Variants in TMBIM6 observed in about 807,000 individuals in gnomAD.
TMBIM6 encodes transmembrane BAX inhibitor motif containing 6.
TMBIM6 carries 13 observed loss-of-function variants against 31.4 expected under a neutral mutation model. That is an observed-to-expected ratio of 0.41 (90% CI 0.27 to 0.66). TMBIM6 has a LOEUF of 0.66. Ranked by LOEUF, TMBIM6 falls within the 30% of genes least tolerant of loss-of-function variation. The pLI, the probability that TMBIM6 is intolerant of heterozygous loss-of-function variation, is 0.28. For missense variants in TMBIM6, 275 were observed against 289.5 expected (o/e 0.95, Z 0.36); for synonymous variants, 85 against 101.7 (o/e 0.84, Z 0.99).
chr12:49,752,446 C>T lies in TMBIM6; in HGVS notation c.-30-18C>T. ...ATTCTGTATGACTTAATGACTCTAACCTTTCTTTATTCTGCAGAGTGGAGA... is the reference window on the plus strand; with the variant it reads ...ATTCTGTATGACTTAATGACTCTAATCTTTCTTTATTCTGCAGAGTGGAGA... On this transcript the variant is annotated intron_variant, in intron 1 of 9. Coordinates refer to ENST00000267115, the MANE Select transcript of TMBIM6 (RefSeq NM_003217.3). 1 of 1,577,782 alleles carries T rather than the reference C, an allele frequency of 6.3e-7. No homozygotes were observed. Among genetic ancestry groups the T allele is most frequent in the Non-Finnish European group, 8.6e-7 (1 of 1,156,256 alleles).
intron 8 of TMBIM6, among the ~76,000 whole-genome samples, chr12:49,759,796 A>G (rs1222797101): frequency 1.5e-5 from 2 of 134,102 alleles, no homozygotes; most frequent in Non-Finnish European, 3.1e-5. Context: ...ACAGAGCGAG[A>G]CCCTGTCTCA....
intron 1 of TMBIM6, chr12:49,749,729 C>T (rs954995497): frequency 2.0e-5 from 3 of 152,190 alleles, no homozygotes; most frequent in South Asian, 2.1e-4. Flanking sequence ...CCACTGTGCC[C>T]AACCTGTAAG....
At chr12:49,755,004 T>A (rs1250121180) in intron 3 of TMBIM6, among the ~76,000 whole-genome samples, 1 of 152,218 alleles carries the variant, frequency 6.6e-6, no homozygotes, top group Non-Finnish European at 1.5e-5. Flanking sequence ...TTGCCCAGGC[T>A]GAAGTGCAAT....
chr12:49,748,669 A>G (rs1945439737), intron 1 of TMBIM6, among the ~76,000 whole-genome samples: 1 of 152,200 alleles, frequency 6.6e-6, no homozygotes, highest in South Asian at 2.1e-4. Context: ...ACACCTGAAC[A>G]TTTACTTTTC....
At position 49,764,880 on chromosome 12, in the gene TMBIM6, T is replaced by C. The variant is rs997542021; in HGVS notation, c.*1984T>C. 1.1e-4 allele frequency: 16 copies of C among 152,314 alleles called. No individual in the cohort carries two copies. Among genetic ancestry groups the C allele is most frequent in the African/African-American group, 2.9e-4 (12 of 41,568 alleles). 9.4% of individuals were successfully genotyped at this position (152,314 alleles called of 1,614,324 possible). A position where few individuals can be genotyped will look rare whatever the true frequency, so the allele number is the denominator to read the frequency against. On this transcript the variant is annotated 3_prime_UTR_variant, in exon 10 of 10. Transcript: ENST00000267115. The stretch of plus-strand genomic sequence containing the variant: ...CAAAGGTGTTTTTGATTCAGAAATA[T>C]ATGAAATCTGCATAGTCTTAATTTG...
At chr12:49,761,325 C>T (rs999753049) in intron 8 of TMBIM6, among the ~76,000 whole-genome samples, 3 of 151,774 alleles carry the variant, frequency 2.0e-5, no homozygotes, top group African/African-American at 7.3e-5. Flanking sequence ...GTGTTCCTCC[C>T]ATCTCAGCCT....
At position 49,742,185 on chromosome 12, in the gene TMBIM6, C is replaced by T. The variant is rs181478191; in HGVS notation, c.-31+574C>T. 3.6e-5 allele frequency: 58 copies of T among 1,613,360 alleles called. No homozygotes were observed. In the East Asian group the frequency reaches 1.2e-3, roughly 35 times the overall value. ...CGAGGCTCCTCAGTTACTTAGCCAACGGCAGAGGCGGGAAGTGAGAGGAGT... is the reference window on the plus strand; with the variant it reads ...CGAGGCTCCTCAGTTACTTAGCCAATGGCAGAGGCGGGAAGTGAGAGGAGT... On this transcript the variant is annotated intron_variant, in intron 1 of 9. Coordinates refer to ENST00000267115, the MANE Select transcript of TMBIM6 (RefSeq NM_003217.3).
chr12:49,760,238 A>C (rs1318763030), intron 8 of TMBIM6, among the ~76,000 whole-genome samples: 1 of 152,168 alleles, frequency 6.6e-6, no homozygotes, highest in Non-Finnish European at 1.5e-5. Flanking sequence ...GTATTTTTTA[A>C]ACAATGAGTA....
Position 49,764,290 on chromosome 12 carries a change from C to G in TMBIM6, c.*1394C>G, listed in dbSNP as rs941062570. 1 of 152,132 alleles carries G rather than the reference C, an allele frequency of 6.6e-6. No homozygotes were observed. Among genetic ancestry groups the G allele is most frequent in the East Asian group, 1.9e-4 (1 of 5,192 alleles). The allele number at this position is 152,132 out of a possible 1,614,324, so 9.4% of individuals were successfully genotyped here. On this transcript the variant is annotated 3_prime_UTR_variant, in exon 10 of 10. Transcript: ENST00000267115. ...CTACAGAGCTTCAGTGTGAGAGGAT[C>G]GAGCCATTGAAAGCTCATTACCAGT... is the stretch of plus-strand genomic sequence containing the variant.
chr12:49,761,564 G>A (rs1945719335), intron 8 of TMBIM6, 140 bp from the exon 9 acceptor site: 1 of 689,942 alleles, frequency 1.4e-6, no homozygotes, highest in Non-Finnish European at 2.4e-6. Flanking sequence ...AGACACCAGA[G>A]TTTTACTTCC....
intron 1 of TMBIM6, chr12:49,742,418 T>A (rs1945314121): frequency 2.4e-6 from 3 of 1,233,556 alleles, no homozygotes; most frequent in Non-Finnish European, 1.1e-6. Flanking sequence ...TTGGTATCTT[T>A]GTATATTTAC....
At chr12:49,759,839 A>G (rs1945679565) in intron 8 of TMBIM6, among the ~76,000 whole-genome samples, 1 of 145,784 alleles carries the variant, frequency 6.9e-6, no homozygotes, top group South Asian at 2.2e-4. Context: ...GGGGCCGGGC[A>G]CGGTGGCTCA....
intron 4 of TMBIM6, among the ~76,000 whole-genome samples, chr12:49,757,160 C>T (rs1945618515): frequency 6.6e-6 from 1 of 152,212 alleles, no homozygotes; most frequent in South Asian, 2.1e-4. Flanking sequence ...AGCCACTGTG[C>T]CTGGCCTTCC....
Position 49,763,046 on chromosome 12 carries a change from A to G in TMBIM6, c.*150A>G. On this transcript the variant is annotated 3_prime_UTR_variant, in exon 10 of 10. Coordinates refer to ENST00000267115, the MANE Select transcript of TMBIM6 (RefSeq NM_003217.3). ...GGTTTCCTCTATTTTGAATTTTTTG[A>G]TCAAAAAACTGATTAGCAGAATATA... 3 of 853,504 alleles carry G rather than the reference A, an allele frequency of 3.5e-6. No individual in the cohort carries two copies. The Admixed American group carries it at 7.1e-5, about 20-fold the overall frequency. The allele number at this position is 853,504 out of a possible 1,614,324, so 52.9% of individuals were successfully genotyped here.
At chr12:49,752,311 G>A in intron 1 of TMBIM6, 153 bp from the exon 2 acceptor site, 1 of 504,784 alleles carries the variant, frequency 2.0e-6, no homozygotes, top group South Asian at 3.3e-5. Flanking sequence ...ATATATTGTA[G>A]GACACATAAA....
At chr12:49,742,027 A>G (rs1945304184) in intron 1 of TMBIM6, 1 of 1,478,106 alleles carries the variant, frequency 6.8e-7, no homozygotes, top group African/African-American at 1.4e-5. Context: ...AAGGAACGCG[A>G]AACTCCACCC....
chr12:49,741,979 T>C, intron 1 of TMBIM6: 2 of 1,145,596 alleles, frequency 1.7e-6, no homozygotes, highest in Non-Finnish European at 2.4e-6. Context: ...TTGGCCTAGC[T>C]TCGATCGTTC....
At chr12:49,744,793 G>C (rs571362173) in intron 1 of TMBIM6, among the ~76,000 whole-genome samples, 3 of 152,138 alleles carry the variant, frequency 2.0e-5, no homozygotes, top group Non-Finnish European at 4.4e-5. Context: ...TAATTTATGT[G>C]TGCTCCCCAT....
intron 1 of TMBIM6, chr12:49,742,247 C>T (rs372456327): frequency 7.2e-5 from 116 of 1,609,742 alleles, no homozygotes; most frequent in Admixed American, 5.4e-4. Context: ...CACGGGGCGG[C>T]CCCGCTCTTT....
Sources: gnomAD v4.1 joint callset for allele counts (sites outside exome capture counted in the v4.1 genomes callset) on GRCh38, gnomAD v4.1.1 for gene constraint, MANE v1.5 for transcripts, NCBI Gene and HGNC (gene_info 2026-07-23, HGNC 2026-07-21) for gene names.